TRIM2: variants seen among roughly 807,000 people sequenced by gnomAD.
The protein encoded by TRIM2 is tripartite motif containing 2, also known as tripartite motif-containing protein 2.
TRIM2 carries 20 observed loss-of-function variants against 75.2 expected under a neutral mutation model. The ratio of observed to expected loss-of-function variants is 0.27; its 90% CI spans 0.19 to 0.39. The LOEUF (loss-of-function observed/expected upper bound fraction) is 0.39. Ranked by LOEUF, TRIM2 falls within the 10% of genes least tolerant of loss-of-function variation. The probability of loss-of-function intolerance (pLI) is 1.00; values close to 1 mark genes in which losing one functional copy is unlikely to be tolerated. For missense variants in TRIM2, 660 were observed against 990.8 expected (o/e 0.67, Z 4.48); for synonymous variants, 373 against 388.3 (o/e 0.96, Z 0.46).
chr4:153,183,656 C>T (rs1045750006), intron 1 of TRIM2, among the ~76,000 whole-genome samples: 6 of 152,090 alleles, frequency 3.9e-5, no homozygotes, highest in South Asian at 2.1e-4. Flanking sequence ...TATGAGAGGA[C>T]GGGCTGGGTT....
At chr4:153,212,332 A>C (rs1046969236) in intron 1 of TRIM2, among the ~76,000 whole-genome samples, 2 of 152,232 alleles carry the variant, frequency 1.3e-5, no homozygotes, top group African/African-American at 4.8e-5. Context: ...TGGGAGGTAC[A>C]CAGTGGGTAT....
At chr4:153,203,891 C>CAATAAATA (rs56292904), upstream of TRIM2, among the ~76,000 whole-genome samples, 4,415 of 151,176 alleles carry the variant, frequency 0.029, 114 homozygotes, top group African/African-American at 0.062. Flanking sequence ...GACTCCATCT[C>CAATAAATA]AATAAATAAA....
intron 1 of TRIM2, among the ~76,000 whole-genome samples, chr4:153,243,837 G>A (rs1280054658): frequency 2.4e-5 from 3 of 125,392 alleles, no homozygotes; most frequent in African/African-American, 9.1e-5. Flanking sequence ...CCTTGAGACA[G>A]GATCTCTCAT....
chr4:153,269,039 A>G (rs900993335), intron 1 of TRIM2, among the ~76,000 whole-genome samples: 3 of 152,194 alleles, frequency 2.0e-5, no homozygotes, highest in Admixed American at 1.3e-4. Flanking sequence ...TTTCACCCCC[A>G]TGCATATTAA....
At position 153,300,528 on chromosome 4, in the gene TRIM2, C is replaced by T. The variant is rs115059629; in HGVS notation, c.1510+4492C>T. Among the ~76,000 whole-genome samples the T allele has an allele frequency of 6.8e-3, 1,030 of 152,102 alleles. 12 individuals carry two copies. Among genetic ancestry groups the T allele is most frequent in the African/African-American group, 0.023 (968 of 41,502 alleles). On this transcript the variant is annotated intron_variant, in intron 6 of 11. Transcript: ENST00000338700. ...ATTGTGGTTTTAATTTTCATATCCG[C>T]GATGATTAGTGATGTTCAACATTTT...
At position 153,295,216 on chromosome 4, in the gene TRIM2, G is replaced by T. The variant is rs1762535056; in HGVS notation, c.787-97G>T. 1.4e-6 allele frequency: 2 copies of T among 1,428,080 alleles called. No homozygotes were observed. The highest frequency in any genetic ancestry group is 1.5e-5 in the South Asian group (1 of 64,926). The allele number at this position is 1,428,080 out of a possible 1,614,324, so 88.5% of individuals were successfully genotyped here. A position where few individuals can be genotyped will look rare whatever the true frequency, so the allele number is the denominator to read the frequency against. On this transcript the variant is annotated intron_variant, in intron 5 of 11. Coordinates refer to ENST00000338700, the MANE Select transcript of TRIM2 (RefSeq NM_015271.5). The surrounding 1 kb of genome is among the most constrained non-coding windows in gnomAD (Gnocchi z 7.2). ...CGCTTGCTCAGAGCCACCTGCGTGG[G>T]CAGGTGTAGAGTCTCCTTCTCGCCG...
intron 1 of TRIM2, among the ~76,000 whole-genome samples, chr4:153,182,356 G>C (rs1732153075): frequency 6.6e-6 from 1 of 152,142 alleles, no homozygotes; most frequent in East Asian, 1.9e-4. Context: ...ATGGGACCTT[G>C]GGAAAAAGAG....
intron 3 of TRIM2, among the ~76,000 whole-genome samples, chr4:153,279,124 T>G (rs1758664551): frequency 6.6e-6 from 1 of 151,968 alleles, no homozygotes; most frequent in Non-Finnish European, 1.5e-5. Flanking sequence ...CAATTATGAG[T>G]TTACTGAATT....
chr4:153,280,029 G>A (rs781095247), intron 3 of TRIM2, among the ~76,000 whole-genome samples: 5 of 151,366 alleles, frequency 3.3e-5, no homozygotes, highest in Non-Finnish European at 7.4e-5. Flanking sequence ...AGCTGTGATC[G>A]TGCCAAAGTA....
intron 10 of TRIM2, among the ~76,000 whole-genome samples, chr4:153,326,480 A>C (rs1236743460): frequency 2.6e-5 from 4 of 152,216 alleles, no homozygotes; most frequent in African/African-American, 9.6e-5. Flanking sequence ...TTCTGAATTC[A>C]GGTCACTTCT....
intron 3 of TRIM2, among the ~76,000 whole-genome samples, chr4:153,290,958 C>A (rs1387724592): frequency 6.6e-6 from 1 of 151,692 alleles, no homozygotes; most frequent in East Asian, 1.9e-4. Flanking sequence ...AGAATGCATA[C>A]AAGAAATTTC....
chr4:153,337,682 G>A lies in TRIM2; in HGVS notation c.*2716G>A. 1 of 985,764 alleles carries A rather than the reference G, an allele frequency of 1.0e-6. No homozygotes were observed. The highest frequency in any genetic ancestry group is 4.7e-5 in the South Asian group (1 of 21,286). The allele number at this position is 985,764 out of a possible 1,614,324, so 61.1% of individuals were successfully genotyped here. A position where few individuals can be genotyped will look rare whatever the true frequency, so the allele number is the denominator to read the frequency against. On this transcript the variant is annotated 3_prime_UTR_variant, in exon 12 of 12. Transcript: ENST00000338700. Reference sequence around the variant, plus strand: ...ATTTTGTCACATTCTATGGAAAATGGTTTCTGGTAAACTGAGAAGGATATT... The same window carrying A: ...ATTTTGTCACATTCTATGGAAAATGATTTCTGGTAAACTGAGAAGGATATT...
At position 153,270,393 on chromosome 4, in the gene TRIM2, G is replaced by A; in HGVS notation, c.89G>A (p.Ser30Asn). 8.1e-6 allele frequency: 13 copies of A among 1,614,072 alleles called. No homozygotes were observed. Among genetic ancestry groups the A allele is most frequent in the South Asian group, 1.1e-5 (1 of 91,034 alleles). Residue 30 changes from serine to asparagine, a missense_variant, in exon 2 of 12, where the codon AGT (serine) becomes AAT (asparagine). This residue lies in a region of TRIM2 where 620 missense variants were observed against 891.0 expected (regional missense o/e 0.70). Transcript: ENST00000338700. ...GPPCQWSRMA[S>N]EGTNIPSPVV... The stretch of plus-strand genomic sequence containing the variant: ...CCATGTCAGTGGTCTAGGATGGCCA[G>A]TGAAGGCACCAACATCCCAAGTCCT...
chr4:153,185,343 AT>A (rs1232836813), intron 1 of TRIM2, among the ~76,000 whole-genome samples: 1 of 152,114 alleles, frequency 6.6e-6, no homozygotes, highest in Non-Finnish European at 1.5e-5. Flanking sequence ...CAGTTCATAA[AT>A]TTGGAAATCT....
chr4:153,190,052 C>T (rs1440016729), intron 1 of TRIM2, among the ~76,000 whole-genome samples: 1 of 152,044 alleles, frequency 6.6e-6, no homozygotes, highest in Non-Finnish European at 1.5e-5. Context: ...ATAATAGAAC[C>T]CTGTAATAAA....
At chr4:153,280,120 AAG>A (rs1758952239) in intron 3 of TRIM2, among the ~76,000 whole-genome samples, 1 of 151,124 alleles carries the variant, frequency 6.6e-6, no homozygotes, top group South Asian at 2.1e-4. Context: ...AAGTTAGAAA[AAG>A]AGTAATAAAA....
intron 3 of TRIM2, 141 bp from the exon 4 acceptor site, chr4:153,292,840 TC>T (rs1337033172): frequency 3.5e-6 from 3 of 861,182 alleles, no homozygotes; most frequent in Non-Finnish European, 3.4e-6. Context: ...CTTCCTTTTC[TC>T]CTGTGAAGCT....
At chr4:153,273,479 GA>G (rs1235881792) in intron 2 of TRIM2, among the ~76,000 whole-genome samples, 4 of 90,716 alleles carry the variant, frequency 4.4e-5, no homozygotes, top group Admixed American at 2.7e-4. Context: ...ATTTTTAGTA[GA>G]AACGGGGTTT....
intron 1 of TRIM2, among the ~76,000 whole-genome samples, chr4:153,243,810 T>C (rs1013983765): frequency 2.6e-5 from 3 of 114,968 alleles, no homozygotes; most frequent in Admixed American, 1.6e-4. Flanking sequence ...CCCCCTCCTT[T>C]TTTTTTTTCC....
Sources: allele counts gnomAD v4.1 joint callset (sites outside exome capture counted in the v4.1 genomes callset), GRCh38; gene constraint gnomAD v4.1.1; regional missense constraint gnomAD v4.1.1; non-coding constraint Gnocchi (gnomAD v3.1); transcripts MANE v1.5; gene names NCBI Gene and HGNC (gene_info 2026-07-23, HGNC 2026-07-21).